Variants in SNTB2 observed in about 807,000 individuals in gnomAD.
The protein encoded by SNTB2 is syntrophin beta 2, also known as beta-2-syntrophin.
Under a neutral mutation model 46.2 loss-of-function variants are expected in SNTB2, and 34 were observed. That is an observed-to-expected ratio of 0.74 (90% CI 0.56 to 0.98). The LOEUF (loss-of-function observed/expected upper bound fraction) is 0.98, where lower values mean the gene tolerates loss of function less well. Ranked by LOEUF, SNTB2 falls within the 50% of genes least tolerant of loss-of-function variation. The pLI is 0.00. For synonymous variants in SNTB2, 290 were observed against 312.6 expected, an observed-to-expected ratio of 0.93 and a Z score of 0.76; for missense variants, 603 against 731.4, an observed-to-expected ratio of 0.82 and a Z score of 2.02.
chr16:69,222,366 G>A (rs1359665171), intron 1 of SNTB2, among the ~76,000 whole-genome samples: 1 of 152,170 alleles, frequency 6.6e-6, no homozygotes, highest in South Asian at 2.1e-4. Context: ...GCCAAGGTGG[G>A]TAGATCATCT....
At chr16:69,253,967 G>A (rs1301601605) in intron 2 of SNTB2, among the ~76,000 whole-genome samples, 1 of 152,112 alleles carries the variant, frequency 6.6e-6, no homozygotes, top group African/African-American at 2.4e-5. Context: ...TATCTGTAGT[G>A]CTAAGTAGGT....
At chr16:69,263,420 C>CT (rs533404729) in intron 3 of SNTB2, among the ~76,000 whole-genome samples, 248 of 130,202 alleles carry the variant, frequency 1.9e-3, no homozygotes, top group Middle Eastern at 0.01. Flanking sequence ...TGGGTATGTT[C>CT]TTTTTTTTTT....
rs1216828858 is a variant in SNTB2 at position 69,187,686 on chromosome 16, G to A, written c.520G>A (p.Ala174Thr). ...GGTGAACGGCACCGACCTGCGCCAG[G>A]CCACCCACGACCAGGCCGTGCAGGC... ...LSVNGTDLRQ[A>T]THDQAVQALK... Residue 174 changes from alanine to threonine, a missense_variant, in exon 1 of 7, where the codon GCC (alanine) becomes ACC (threonine). This residue lies in a region of SNTB2 where 537 missense variants were observed against 692.4 expected (regional missense o/e 0.78). Transcript: ENST00000336278. 7.4e-7 allele frequency: 1 copy of A among 1,355,016 alleles called. No individual in the cohort carries two copies. The highest frequency in any genetic ancestry group is 9.7e-7 in the Non-Finnish European group (1 of 1,033,570). 83.9% of individuals were successfully genotyped at this position (1,355,016 alleles called of 1,614,324 possible).
chr16:69,187,375 T>A lies in SNTB2; in HGVS notation c.209T>A (p.Phe70Tyr). The A allele has an allele frequency of 7.4e-7, 1 of 1,353,132 alleles. No homozygotes were observed. The highest frequency in any genetic ancestry group is 1.8e-5 in the South Asian group (1 of 57,012). The allele number at this position is 1,353,132 out of a possible 1,614,324, so 83.8% of individuals were successfully genotyped here. Residue 70 changes from phenylalanine to tyrosine, a missense_variant, in exon 1 of 7, where the codon TTC becomes TAC. By Grantham distance (22) the Phe-to-Tyr change is conservative. Around this residue, in one of 2 missense-constraint regions of SNTB2, gnomAD observed 537 missense variants for 692.4 expected, o/e 0.78. Coordinates refer to ENST00000336278, the MANE Select transcript of SNTB2 (RefSeq NM_006750.4). ...EPALGPAAAAFNGLPNGGGAG... is the reference protein window; with the variant it reads ...EPALGPAAAAYNGLPNGGGAG... ...GCTCTGGGACCCGCGGCCGCCGCCT[T>A]CAACGGCCTCCCAAACGGCGGCGGC...
chr16:69,199,919 G>A (rs550759535), intron 1 of SNTB2, among the ~76,000 whole-genome samples: 2 of 152,098 alleles, frequency 1.3e-5, no homozygotes, highest in South Asian at 4.2e-4. Context: ...GGAAGACAGA[G>A]ACTTTTTTTT....
Position 69,228,688 on chromosome 16 carries a change from A to T in SNTB2, c.581-16914A>T, listed in dbSNP as rs117064657. On this transcript the variant is annotated intron_variant, in intron 1 of 6. Coordinates refer to ENST00000336278, the MANE Select transcript of SNTB2 (RefSeq NM_006750.4). Reference sequence around the variant, plus strand: ...TACTCTCTCTGAAGCATATTCTATTAATTATGTACATACACACTAAGTATA... The same window carrying T: ...TACTCTCTCTGAAGCATATTCTATTTATTATGTACATACACACTAAGTATA... Among the ~76,000 whole-genome samples the T allele has an allele frequency of 1.7e-4, 26 of 152,180 alleles. No homozygotes were observed. In the East Asian group the frequency reaches 5.0e-3, roughly 29 times the overall value.
intron 4 of SNTB2, among the ~76,000 whole-genome samples, chr16:69,280,796 TTC>T (rs1199116085): frequency 3.4e-5 from 5 of 148,352 alleles, no homozygotes; most frequent in African/African-American, 7.3e-5. Context: ...TGTCTTTTCA[TTC>T]TCTCTTTTTT....
At position 69,299,585 on chromosome 16, in the gene SNTB2, A is replaced by G; in HGVS notation, c.1346-5A>G. The G allele has an allele frequency of 6.2e-7, 1 of 1,610,790 alleles. No individual in the cohort carries two copies. The highest frequency in any genetic ancestry group is 1.7e-5 in the Admixed American group (1 of 59,360). The stretch of plus-strand genomic sequence containing the variant: ...CAACTAATGTTTTTTGCTTTTCTTC[A>G]ACAGGCTGCATGTTAAATGGCCAAG... On this transcript the variant is annotated splice_region_variant and splice_polypyrimidine_tract_variant and intron_variant, in intron 5 of 6. Coordinates refer to ENST00000336278, the MANE Select transcript of SNTB2 (RefSeq NM_006750.4).
chr16:69,200,218 G>A (rs1306037834), intron 1 of SNTB2, among the ~76,000 whole-genome samples: 1 of 152,128 alleles, frequency 6.6e-6, no homozygotes, highest in African/African-American at 2.4e-5. Flanking sequence ...ATTTGTGTTG[G>A]CCATTGTTGT....
At chr16:69,199,271 A>G (rs2152289614) in intron 1 of SNTB2, among the ~76,000 whole-genome samples, 1 of 152,318 alleles carries the variant, frequency 6.6e-6, no homozygotes, top group African/African-American at 2.4e-5. Context: ...TGGAACCTCA[A>G]GATTTACAAT....
chr16:69,295,057 G>A (rs544543899), intron 5 of SNTB2, among the ~76,000 whole-genome samples: 161 of 151,908 alleles, frequency 1.1e-3, no homozygotes, highest in African/African-American at 3.5e-3. Context: ...CTGAGCTCAG[G>A]CAATCCACCT....
chr16:69,277,451 A>T (rs1157225986), intron 4 of SNTB2, among the ~76,000 whole-genome samples: 3 of 152,218 alleles, frequency 2.0e-5, no homozygotes, highest in African/African-American at 7.2e-5. Context: ...TGCATGCATA[A>T]AAAAGATCCA....
At chr16:69,258,008 AT>A (rs1277113743) in intron 2 of SNTB2, among the ~76,000 whole-genome samples, 1 of 152,276 alleles carries the variant, frequency 6.6e-6, no homozygotes, top group Non-Finnish European at 1.5e-5. Flanking sequence ...AATACAAAAT[AT>A]GACAATTTAA....
At chr16:69,209,938 C>T (rs1003631270) in intron 1 of SNTB2, among the ~76,000 whole-genome samples, 4 of 151,838 alleles carry the variant, frequency 2.6e-5, no homozygotes, top group African/African-American at 9.7e-5. Flanking sequence ...GTAGACATGG[C>T]ACAATCTTAG....
intron 5 of SNTB2, among the ~76,000 whole-genome samples, chr16:69,292,719 C>T (rs1477815878): frequency 6.6e-6 from 1 of 150,958 alleles, no homozygotes; most frequent in African/African-American, 2.4e-5. Context: ...TCCCAAAGTG[C>T]TGGGATTACA....
At chr16:69,244,340 G>T (rs1197904328) in intron 1 of SNTB2, among the ~76,000 whole-genome samples, 1 of 152,222 alleles carries the variant, frequency 6.6e-6, no homozygotes, top group Non-Finnish European at 1.5e-5. Context: ...GCATGTGTAT[G>T]TGTTTATTTT....
intron 2 of SNTB2, 43 bp from the exon 3 acceptor site, chr16:69,260,007 C>T (rs774981360): frequency 1.3e-6 from 2 of 1,515,404 alleles, no homozygotes; most frequent in Non-Finnish European, 9.2e-7. Flanking sequence ...GGTTTGGTGA[C>T]TTCTGTCCTA....
intron 2 of SNTB2, 97 bp downstream of exon 2, chr16:69,245,912 GAAAA>G: frequency 8.2e-7 from 1 of 1,222,712 alleles, no homozygotes; most frequent in Non-Finnish European, 1.2e-6. Flanking sequence ...TTATACAGAG[GAAAA>G]CATCTGTCTG....
chr16:69,230,275 T>C (rs1419718120), intron 1 of SNTB2: 1 of 152,186 alleles, frequency 6.6e-6, no homozygotes, highest in African/African-American at 2.4e-5. Flanking sequence ...CTGATCTATA[T>C]ATACTTTTTT....
Sources: allele counts gnomAD v4.1 joint callset (sites outside exome capture counted in the v4.1 genomes callset), GRCh38; gene constraint gnomAD v4.1.1; regional missense constraint gnomAD v4.1.1; transcripts MANE v1.5; gene names NCBI Gene and HGNC (gene_info 2026-07-23, HGNC 2026-07-21).